ZNRF3: variants seen among roughly 807,000 people sequenced by gnomAD.
The protein encoded by ZNRF3 is E3 ubiquitin-protein ligase ZNRF3.
ZNRF3 carries 23 observed loss-of-function variants against 72.5 expected under a neutral mutation model. That is an observed-to-expected ratio of 0.32 (90% CI 0.23 to 0.45). The LOEUF is 0.45. Among genes scored for constraint, ZNRF3 ranks in the 20% least tolerant of loss-of-function variants. The pLI is 1.00. For synonymous variants in ZNRF3, 610 were observed against 545.3 expected (o/e 1.12, Z -1.65); for missense variants, 1,169 against 1,272.1 (o/e 0.92, Z 1.23).
chr22:28,997,988 TAAA>T (rs557887667), intron 2 of ZNRF3, among the ~76,000 whole-genome samples: 88 of 115,330 alleles, frequency 7.6e-4, no homozygotes, highest in East Asian at 1.5e-3. Flanking sequence ...CCTGGCTCTT[TAAA>T]AAAAAAAAAA....
intron 1 of ZNRF3, among the ~76,000 whole-genome samples, chr22:28,931,218 CTAAAAT>C (rs1394876850): frequency 6.6e-6 from 1 of 152,166 alleles, no homozygotes; most frequent in Non-Finnish European, 1.5e-5. Context: ...AGCAGGTTGA[CTAAAAT>C]TAGAGCCGTC....
intron 1 of ZNRF3, among the ~76,000 whole-genome samples, chr22:28,937,169 CTTATAAT>C (rs1273015188): frequency 3.1e-5 from 4 of 128,602 alleles, no homozygotes; most frequent in African/African-American, 1.4e-4. Flanking sequence ...CTACTTCTCT[CTTATAAT>C]ATATATATAT....
chr22:28,915,530 G>A (rs892933300), intron 1 of ZNRF3, among the ~76,000 whole-genome samples: 4 of 152,264 alleles, frequency 2.6e-5, no homozygotes, highest in African/African-American at 4.8e-5. Flanking sequence ...TTCTGAAGGT[G>A]ATTTTCTTGT....
Position 29,043,342 on chromosome 22 carries a change from A to T in ZNRF3, c.545A>T (p.Tyr182Phe), listed in dbSNP as rs1257371664. 3 of 1,613,874 alleles carry T rather than the reference A, an allele frequency of 1.9e-6. No individual in the cohort carries two copies. The highest frequency in any genetic ancestry group is 1.7e-6 in the Non-Finnish European group (2 of 1,180,006). The change falls in exon 4 of 9, where the codon TAT (tyrosine) becomes TTT (phenylalanine). Residue 182 changes from tyrosine (Y) to phenylalanine (F), a missense_variant. By Grantham distance (22) the Tyr-to-Phe change is conservative (BLOSUM62 3). Around this residue, in one of 2 missense-constraint regions of ZNRF3, gnomAD observed 386 missense variants for 540.7 expected, o/e 0.71. Coordinates refer to ENST00000544604, the MANE Select transcript of ZNRF3 (RefSeq NM_001206998.2). ...SEDPLKRPVV[Y>F]VKGADAIKLM... ...GACCCGCTCAAGAGGCCGGTGGTGTATGTGAAGGGTGCAGATGCCATTAAG... is the reference window on the plus strand; with the variant it reads ...GACCCGCTCAAGAGGCCGGTGGTGTTTGTGAAGGGTGCAGATGCCATTAAG...
At chr22:28,950,541 C>G (rs2035141322) in intron 1 of ZNRF3, among the ~76,000 whole-genome samples, 1 of 152,214 alleles carries the variant, frequency 6.6e-6, no homozygotes, top group African/African-American at 2.4e-5. Context: ...TTCTTCCTTT[C>G]CTTTCCTTTC....
intron 2 of ZNRF3, chr22:29,025,685 T>TA (rs1421629259): frequency 6.6e-6 from 1 of 151,572 alleles, no homozygotes; most frequent in African/African-American, 2.4e-5. Context: ...CATGCCCGGC[T>TA]AATTTTTTGT....
intron 1 of ZNRF3, among the ~76,000 whole-genome samples, chr22:28,963,233 A>T (rs1356111874): frequency 6.6e-6 from 1 of 152,238 alleles, no homozygotes; most frequent in African/African-American, 2.4e-5. Context: ...CAGGACACAG[A>T]GATGAATCCT....
chr22:28,903,145 C>T (rs371793370), intron 1 of ZNRF3, among the ~76,000 whole-genome samples: 3 of 152,130 alleles, frequency 2.0e-5, no homozygotes, highest in East Asian at 1.9e-4. Flanking sequence ...CTGGGAGGGA[C>T]GCTTTGCTGC....
chr22:29,046,932 C>A, intron 6 of ZNRF3, 49 bp downstream of exon 6: 1 of 1,448,346 alleles, frequency 6.9e-7, no homozygotes, highest in Non-Finnish European at 9.2e-7. Flanking sequence ...ATAGGCAGGT[C>A]AGCAGAGGTG....
chr22:28,914,379 G>A (rs1370513597), intron 1 of ZNRF3, among the ~76,000 whole-genome samples: 1 of 151,918 alleles, frequency 6.6e-6, no homozygotes, highest in Non-Finnish European at 1.5e-5. Flanking sequence ...GGAAGGATGT[G>A]TGTGACATAA....
chr22:28,957,141 T>C (rs1021681105), intron 1 of ZNRF3, among the ~76,000 whole-genome samples: 3 of 152,232 alleles, frequency 2.0e-5, no homozygotes, highest in Admixed American at 6.5e-5. Context: ...CCTTAAGTTT[T>C]ATGGTTTCGA....
At chr22:28,911,584 T>C (rs898046241) in intron 1 of ZNRF3, among the ~76,000 whole-genome samples, 1 of 152,264 alleles carries the variant, frequency 6.6e-6, no homozygotes, top group Non-Finnish European at 1.5e-5. Context: ...TTAGCTGTTA[T>C]TAGTAACAAA....
At chr22:29,026,197 C>T (rs965564884) in intron 2 of ZNRF3, 3 of 152,144 alleles carry the variant, frequency 2.0e-5, no homozygotes, top group African/African-American at 7.2e-5. Flanking sequence ...GAATTAGACC[C>T]GAAAATATAG....
At chr22:28,918,620 T>C (rs931609318) in intron 1 of ZNRF3, among the ~76,000 whole-genome samples, 12 of 150,974 alleles carry the variant, frequency 7.9e-5, no homozygotes, top group African/African-American at 2.9e-4. Flanking sequence ...TCAAGAGAGA[T>C]AGTTAGAATA....
chr22:29,000,432 GT>G (rs2036122254), intron 2 of ZNRF3, among the ~76,000 whole-genome samples: 1 of 152,104 alleles, frequency 6.6e-6, no homozygotes, highest in Non-Finnish European at 1.5e-5. Flanking sequence ...ATTTTAAAAT[GT>G]TTTAGCTTTA....
chr22:29,044,763 T>C lies in ZNRF3; in HGVS notation c.634-17T>C, dbSNP rs372090857. On this transcript the variant is annotated splice_polypyrimidine_tract_variant and intron_variant, in intron 4 of 8. Coordinates refer to ENST00000544604, the MANE Select transcript of ZNRF3 (RefSeq NM_001206998.2). The stretch of plus-strand genomic sequence containing the variant: ...TGGAGAGAGGCTGTGACTCACTGTG[T>C]CTGTGTTCCGTTCCAGCAACCCACT... 66 of 1,581,156 alleles carry C rather than the reference T, an allele frequency of 4.2e-5. No individual in the cohort carries two copies. In the African/African-American group the frequency reaches 6.6e-4, roughly 16 times the overall value.
In ZNRF3 at chr22:29,012,696, G is replaced by A. The variant is rs535177751; in HGVS notation, c.426+25495G>A. On this transcript the variant is annotated intron_variant, in intron 2 of 8. Coordinates refer to ENST00000544604, the MANE Select transcript of ZNRF3 (RefSeq NM_001206998.2). ...CTTGTTAAATTCGCAGCTTACTACA[G>A]GATGCTTGTGTCTAAGTGATTTCAA... Among the ~76,000 whole-genome samples, 4 of 152,300 alleles carry A rather than the reference G, an allele frequency of 2.6e-5. No homozygotes were observed. In the East Asian group the frequency reaches 7.7e-4, roughly 29 times the overall value.
intron 2 of ZNRF3, among the ~76,000 whole-genome samples, chr22:29,011,057 G>A (rs1446732325): frequency 2.0e-5 from 3 of 152,056 alleles, no homozygotes; most frequent in African/African-American, 7.2e-5. Context: ...TTTTGTGCTT[G>A]CTCTTTAATT....
At chr22:28,955,677 G>C (rs1375353798) in intron 1 of ZNRF3, among the ~76,000 whole-genome samples, 1 of 151,886 alleles carries the variant, frequency 6.6e-6, no homozygotes, top group East Asian at 1.9e-4. Flanking sequence ...CATATGTTTT[G>C]GGAGGCTGAG....
Sources: gnomAD v4.1 joint callset for allele counts (sites outside exome capture counted in the v4.1 genomes callset) on GRCh38, gnomAD v4.1.1 for gene constraint, gnomAD v4.1.1 regional missense constraint, MANE v1.5 for transcripts, NCBI Gene and HGNC (gene_info 2026-07-23, HGNC 2026-07-21) for gene names.